RORA: variants seen among roughly 807,000 people sequenced by gnomAD.
RORA encodes the protein RAR related orphan receptor A, also known as nuclear receptor ROR-alpha.
In RORA, 7 loss-of-function variants were observed where a neutral mutation model predicts 69.5. The observed-to-expected ratio is 0.10, with a 90% CI of 0.06 to 0.19. The LOEUF (loss-of-function observed/expected upper bound fraction) is 0.19, where lower values mean the gene tolerates loss of function less well. RORA is among the 10% of genes least tolerant of loss of function. RORA has a pLI of 1.00. For synonymous variants in RORA, 261 were observed against 240.8 expected, an observed-to-expected ratio of 1.08 and a Z score of -0.78; for missense variants, 457 against 663.0, an observed-to-expected ratio of 0.69 and a Z score of 3.41.
In RORA at chr15:61,229,264, C is replaced by T; in HGVS notation, c.-46G>A. 9.0e-7 allele frequency: 1 copy of T among 1,115,118 alleles called. No individual in the cohort carries two copies. The highest frequency in any genetic ancestry group is 1.1e-6 in the Non-Finnish European group (1 of 878,150). The allele number at this position is 1,115,118 out of a possible 1,614,324, so 69.1% of individuals were successfully genotyped here. A position where few individuals can be genotyped will look rare whatever the true frequency, so the allele number is the denominator to read the frequency against. On this transcript the variant is annotated 5_prime_UTR_variant, in exon 1 of 11. Coordinates refer to ENST00000335670, the MANE Select transcript of RORA (RefSeq NM_134261.3). The stretch of plus-strand genomic sequence containing the variant: ...TCGCTGGAGATGGCGAGCTCCGAGA[C>T]TCCCTCTATCTTCTGTTTTCAGAGC...
intron 2 of RORA, among the ~76,000 whole-genome samples, chr15:60,632,783 A>AT (rs1567134876): frequency 6.6e-6 from 1 of 152,174 alleles, no homozygotes; most frequent in Non-Finnish European, 1.5e-5. Context: ...AATGGTGATT[A>AT]TCTGCATTCT....
intron 1 of RORA, among the ~76,000 whole-genome samples, chr15:61,166,156 C>CT (rs35237119): frequency 1.1e-4 from 16 of 150,334 alleles, no homozygotes; most frequent in Admixed American, 4.0e-4. Context: ...CCATCTTTCA[C>CT]TTTTTTTTTT....
intron 2 of RORA, among the ~76,000 whole-genome samples, chr15:60,576,245 C>A (rs745842931): frequency 2.6e-5 from 4 of 152,146 alleles, no homozygotes; most frequent in African/African-American, 4.8e-5. Context: ...ATGCTGGGAG[C>A]AACGTATCCC....
intron 1 of RORA, among the ~76,000 whole-genome samples, chr15:61,090,406 C>A (rs1595973803): frequency 2.0e-5 from 3 of 152,214 alleles, no homozygotes; most frequent in Admixed American, 2.0e-4. Flanking sequence ...CATTTGGGGG[C>A]TCTAAAAAAA....
At chr15:61,003,937 G>GTC (rs1203215485) in intron 1 of RORA, among the ~76,000 whole-genome samples, 1 of 151,810 alleles carries the variant, frequency 6.6e-6, no homozygotes, top group Non-Finnish European at 1.5e-5. Flanking sequence ...CTGTTTCCCT[G>GTC]TCTCTCTCTC....
intron 2 of RORA, among the ~76,000 whole-genome samples, chr15:60,662,118 G>A (rs1249026775): frequency 6.6e-6 from 1 of 152,190 alleles, no homozygotes. Context: ...AATTCATTTT[G>A]TGCTTTATCA....
At chr15:60,983,394 T>C (rs1291980186) in intron 1 of RORA, among the ~76,000 whole-genome samples, 1 of 152,236 alleles carries the variant, frequency 6.6e-6, no homozygotes, top group South Asian at 2.1e-4. Flanking sequence ...TTGTCACATT[T>C]TGAAATAGCC....
chr15:60,747,771 C>T (rs1480078464), intron 1 of RORA, among the ~76,000 whole-genome samples: 1 of 152,126 alleles, frequency 6.6e-6, no homozygotes, highest in Non-Finnish European at 1.5e-5. Flanking sequence ...TTGTCTTGGG[C>T]TCCCAGTTAA....
chr15:60,757,862 A>G (rs2071825265), intron 1 of RORA, among the ~76,000 whole-genome samples: 1 of 151,806 alleles, frequency 6.6e-6, no homozygotes, highest in African/African-American at 2.4e-5. Context: ...TCACACTCTC[A>G]CTGGGTTATC....
intron 1 of RORA, among the ~76,000 whole-genome samples, chr15:60,879,619 T>C (rs567168104): frequency 6.6e-6 from 1 of 152,328 alleles, no homozygotes; most frequent in East Asian, 1.9e-4. Flanking sequence ...GTTTCTATGA[T>C]TAATTATTTA....
chr15:60,807,100 T>C (rs1161436553), intron 1 of RORA, among the ~76,000 whole-genome samples: 2 of 152,120 alleles, frequency 1.3e-5, no homozygotes, highest in South Asian at 2.1e-4. Flanking sequence ...GGCATCCAAA[T>C]CGGTAAAGAG....
chr15:60,964,835 C>A (rs1893507785), intron 1 of RORA, among the ~76,000 whole-genome samples: 1 of 152,164 alleles, frequency 6.6e-6, no homozygotes, highest in Non-Finnish European at 1.5e-5. Flanking sequence ...GCTGGAGTGG[C>A]CACTGAGAGG....
chr15:60,774,085 T>C (rs549108759), intron 1 of RORA, among the ~76,000 whole-genome samples: 6 of 152,332 alleles, frequency 3.9e-5, no homozygotes, highest in African/African-American at 1.4e-4. Flanking sequence ...TGAGACCCTT[T>C]GACAACAGTA....
At chr15:61,156,853 G>A (rs1022400233) in intron 1 of RORA, among the ~76,000 whole-genome samples, 10 of 152,296 alleles carry the variant, frequency 6.6e-5, no homozygotes, top group African/African-American at 2.4e-4. Flanking sequence ...GGATTTTCCA[G>A]GTTGCAAAAT....
chr15:60,948,109 C>T (rs1892955648), intron 1 of RORA, among the ~76,000 whole-genome samples: 1 of 152,090 alleles, frequency 6.6e-6, no homozygotes, highest in South Asian at 2.1e-4. Context: ...ACAACCAGGT[C>T]ATGCGAGACA....
chr15:60,892,107 G>A (rs1036021872), intron 1 of RORA, among the ~76,000 whole-genome samples: 2 of 152,188 alleles, frequency 1.3e-5, no homozygotes, highest in South Asian at 2.1e-4. Flanking sequence ...AGTCAGTTAC[G>A]GATGCCTGCC....
chr15:60,751,801 G>A (rs1340483986), intron 1 of RORA, among the ~76,000 whole-genome samples: 2 of 152,130 alleles, frequency 1.3e-5, no homozygotes, highest in Non-Finnish European at 2.9e-5. Context: ...CAGGGAGGAG[G>A]AACAGAGCTG....
intron 2 of RORA, among the ~76,000 whole-genome samples, chr15:60,566,025 C>G (rs2067703552): frequency 6.6e-6 from 1 of 152,152 alleles, no homozygotes; most frequent in South Asian, 2.1e-4. Context: ...TTAACATACA[C>G]TCATATGTGC....
chr15:60,881,672 A>G (rs8027829), intron 1 of RORA, among the ~76,000 whole-genome samples: 75,702 of 151,972 alleles, frequency 0.5, 20,042 homozygotes, highest in Non-Finnish European at 0.59. Flanking sequence ...GGAAAGAGTT[A>G]GAAAACAGGG....
Sources: allele counts gnomAD v4.1 joint callset (sites outside exome capture counted in the v4.1 genomes callset), GRCh38; gene constraint gnomAD v4.1.1; transcripts MANE v1.5; gene names NCBI Gene and HGNC (gene_info 2026-07-23, HGNC 2026-07-21).